Variants in COG5 observed in about 807,000 individuals in gnomAD.
COG5 encodes component of oligomeric golgi complex 5, also known as conserved oligomeric Golgi complex subunit 5.
COG5 carries 86 observed loss-of-function variants against 110.4 expected under a neutral mutation model. The ratio of observed to expected loss-of-function variants is 0.78; its 90% CI spans 0.65 to 0.93. The LOEUF (loss-of-function observed/expected upper bound fraction) is 0.93. COG5 is among the 40% of genes least tolerant of loss of function. COG5 has a pLI of 0.00. For missense variants in COG5, 1,077 were observed against 987.0 expected (o/e 1.09, Z -1.22); for synonymous variants, 360 against 334.6 (o/e 1.08, Z -0.83).
intron 6 of COG5, among the ~76,000 whole-genome samples, chr7:107,419,591 G>C (rs1319711612): frequency 2.7e-5 from 4 of 149,938 alleles, no homozygotes; most frequent in African/African-American, 9.8e-5. Context: ...TTTTGAGACG[G>C]AGTTTCACTC....
At chr7:107,257,956 C>T (rs1192794356) in intron 15 of COG5, among the ~76,000 whole-genome samples, 1 of 152,100 alleles carries the variant, frequency 6.6e-6, no homozygotes. Flanking sequence ...CTACCATCCA[C>T]AGTGTATCAA....
At position 107,389,943 on chromosome 7, in the gene COG5, A is replaced by G. The variant is rs978867108; in HGVS notation, c.670-17183T>C. Among the ~76,000 whole-genome samples the G allele has an allele frequency of 2.6e-5, 4 of 152,124 alleles. No homozygotes were observed. In the East Asian group the frequency reaches 7.7e-4, roughly 29 times the overall value. The stretch of plus-strand genomic sequence containing the variant: ...AGTGCCTAATTTGCACTATCCATCC[A>G]TATGTTTTCCTTAAGGGAACCAATA... On this transcript the variant is annotated intron_variant, in intron 7 of 21. Coordinates refer to ENST00000297135, the MANE Select transcript of COG5 (RefSeq NM_006348.5).
intron 14 of COG5, among the ~76,000 whole-genome samples, chr7:107,277,085 G>C (rs926061885): frequency 2.6e-5 from 4 of 151,992 alleles, no homozygotes; most frequent in African/African-American, 9.7e-5. Flanking sequence ...TACATTAAGA[G>C]CACAGAAGTA....
chr7:107,489,604 A>C (rs1238308447), intron 6 of COG5, among the ~76,000 whole-genome samples: 1 of 152,188 alleles, frequency 6.6e-6, no homozygotes, highest in Admixed American at 6.6e-5. Context: ...AAAGAAAAAA[A>C]TCTATGTTTA....
chr7:107,208,122 G>A (rs1320752378), intron 21 of COG5: 1 of 985,300 alleles, frequency 1.0e-6, no homozygotes, highest in Non-Finnish European at 1.2e-6. Flanking sequence ...TAGGACAAAA[G>A]TCCCCTCCTT....
At chr7:107,480,647 T>C (rs1797287225) in intron 6 of COG5, among the ~76,000 whole-genome samples, 2 of 152,070 alleles carry the variant, frequency 1.3e-5, no homozygotes, top group Non-Finnish European at 2.9e-5. Context: ...TTGACTTTTT[T>C]CTAAAAAGCA....
chr7:107,517,505 G>A (rs1223527532), intron 6 of COG5, among the ~76,000 whole-genome samples: 2 of 152,006 alleles, frequency 1.3e-5, no homozygotes, highest in Middle Eastern at 6.3e-3. Context: ...ACACCACTAA[G>A]ATATTCCATG....
intron 14 of COG5, among the ~76,000 whole-genome samples, chr7:107,266,662 C>T (rs985830653): frequency 6.6e-6 from 1 of 151,988 alleles, no homozygotes; most frequent in African/African-American, 2.4e-5. Flanking sequence ...TAAACTTTCT[C>T]TTTTTTGATC....
chr7:107,235,051 C>A (rs967607137), intron 18 of COG5, among the ~76,000 whole-genome samples: 2 of 152,150 alleles, frequency 1.3e-5, no homozygotes, highest in Non-Finnish European at 1.5e-5. Context: ...AGGCTCATTT[C>A]TATGGTCTAA....
chr7:107,253,499 A>G (rs1022495144), intron 16 of COG5, among the ~76,000 whole-genome samples: 2 of 152,180 alleles, frequency 1.3e-5, no homozygotes, highest in Non-Finnish European at 2.9e-5. Flanking sequence ...CAATGTAATC[A>G]CTATCTGCAC....
chr7:107,439,669 AG>A (rs1794588585), intron 6 of COG5, among the ~76,000 whole-genome samples: 1 of 152,154 alleles, frequency 6.6e-6, no homozygotes, highest in East Asian at 1.9e-4. Context: ...TATAATTAAT[AG>A]ATTATAATCT....
At chr7:107,544,734 G>A (rs1299605975) in intron 5 of COG5, among the ~76,000 whole-genome samples, 1 of 152,092 alleles carries the variant, frequency 6.6e-6, no homozygotes, top group Non-Finnish European at 1.5e-5. Flanking sequence ...ACCAATACAA[G>A]GCAACAAGAA....
intron 6 of COG5, among the ~76,000 whole-genome samples, chr7:107,468,880 G>C (rs536599258): frequency 5.4e-4 from 82 of 151,934 alleles, no homozygotes; most frequent in Non-Finnish European, 9.4e-4. Flanking sequence ...TGTCAACAGA[G>C]TCCAGCTGTT....
At chr7:107,286,513 G>A (rs1303602530) in intron 12 of COG5, among the ~76,000 whole-genome samples, 1 of 152,148 alleles carries the variant, frequency 6.6e-6, no homozygotes, top group Non-Finnish European at 1.5e-5. Flanking sequence ...CTGCTGCTAA[G>A]CTGGCCAAGT....
intron 14 of COG5, among the ~76,000 whole-genome samples, chr7:107,273,031 T>C (rs180970936): frequency 1.4e-4 from 21 of 152,340 alleles, no homozygotes; most frequent in African/African-American, 3.6e-4. Context: ...TTGTGCCTAA[T>C]ACGTGTGTTC....
In COG5 at chr7:107,298,163, A is replaced by C. The variant is rs1806922984; in HGVS notation, c.1292T>G (p.Ile431Arg). The C allele has an allele frequency of 6.3e-7, 1 of 1,586,420 alleles. No individual in the cohort carries two copies. The highest frequency in any genetic ancestry group is 1.2e-5 in the South Asian group (1 of 84,622). The change falls in exon 12 of 22, where the codon ATA becomes AGA. Residue 431 changes from isoleucine (I) to arginine (R), a missense_variant. Transcript: ENST00000297135. ...HMEDDAQDIF[I>R]PKKPDYDPEK... is the part of the protein sequence containing the mutation. The stretch of plus-strand genomic sequence containing the variant: ...ATACTCATAATCTGGCTTTTTTGGT[A>C]TGAATATATCTTGTGCATCATCTTC...
intron 14 of COG5, among the ~76,000 whole-genome samples, chr7:107,258,977 T>C (rs1803103937): frequency 6.6e-6 from 1 of 152,066 alleles, no homozygotes; most frequent in Non-Finnish European, 1.5e-5. Flanking sequence ...TTTTTATAGA[T>C]TAAAAAAAAG....
intron 7 of COG5, among the ~76,000 whole-genome samples, chr7:107,390,170 T>C (rs1463087264): frequency 6.6e-6 from 1 of 152,182 alleles, no homozygotes; most frequent in African/African-American, 2.4e-5. Flanking sequence ...CCTTGCCACC[T>C]TAGAATGTGC....
At chr7:107,363,651 C>G (rs1813330074) in intron 8 of COG5, among the ~76,000 whole-genome samples, 6 of 151,816 alleles carry the variant, frequency 4.0e-5, no homozygotes, top group Admixed American at 2.0e-4. Context: ...CGATGGATAC[C>G]AAAACACTAA....
Sources: gnomAD v4.1 joint callset for allele counts (sites outside exome capture counted in the v4.1 genomes callset) on GRCh38, gnomAD v4.1.1 for gene constraint, MANE v1.5 for transcripts, NCBI Gene and HGNC (gene_info 2026-07-23, HGNC 2026-07-21) for gene names.